Variants in CNGB1 observed in about 807,000 individuals in gnomAD.
The protein encoded by CNGB1 is cyclic nucleotide-gated channel beta-1.
In CNGB1, 126 loss-of-function variants were observed where a neutral mutation model predicts 151.7. The observed-to-expected ratio is 0.83, with a 90% confidence interval of 0.72 to 0.96. CNGB1 has a LOEUF of 0.96. CNGB1 is among the 40% of genes least tolerant of loss of function. The probability of loss-of-function intolerance (pLI) is 0.00; values close to 1 mark genes in which losing one functional copy is unlikely to be tolerated. For synonymous variants in CNGB1, 623 were observed against 635.1 expected, an observed-to-expected ratio of 0.98 and a Z score of 0.29; for missense variants, 1,698 against 1,627.0, an observed-to-expected ratio of 1.04 and a Z score of -0.75.
chr16:57,931,824 C>T lies in CNGB1; in HGVS notation c.1427G>A (p.Ser476Asn), dbSNP rs780863729. 6 of 1,614,174 alleles carry T rather than the reference C, an allele frequency of 3.7e-6. No individual in the cohort carries two copies. The East Asian group carries it at 8.9e-5, about 24-fold the overall frequency. Residue 476 changes from serine (S) to asparagine (N), a missense_variant, in exon 17 of 33, where the codon AGC (serine) becomes AAC (asparagine). By Grantham distance (46) the Ser-to-Asn change is conservative. Transcript: ENST00000251102. ...EVQVEDTDAD[S>N]CPLMAEENPP... is the part of the protein sequence containing the mutation. ...ATTCTCTTCTGCCATGAGGGGGCAG[C>T]TATCAGCATCAGTATCTTCCACCTG...
intron 18 of CNGB1, among the ~76,000 whole-genome samples, chr16:57,921,473 C>T (rs148201462): frequency 1.3e-4 from 20 of 152,250 alleles, no homozygotes; most frequent in Admixed American, 4.6e-4. Flanking sequence ...CCACCTGCTT[C>T]GGCCTCTGAA....
intron 1 of CNGB1, among the ~76,000 whole-genome samples, chr16:57,969,253 C>A (rs1208352710): frequency 6.6e-6 from 1 of 152,206 alleles, no homozygotes; most frequent in African/African-American, 2.4e-5. Flanking sequence ...TTGCAGTGAG[C>A]CGAGATCGTG....
In CNGB1 at chr16:57,897,381, A is replaced by C; in HGVS notation, c.3242+16T>G. 6.2e-7 allele frequency: 1 copy of C among 1,614,104 alleles called. No individual in the cohort carries two copies. The highest frequency in any genetic ancestry group is 8.5e-7 in the Non-Finnish European group (1 of 1,180,000). On this transcript the variant is annotated intron_variant, in intron 31 of 32. Transcript: ENST00000251102. Reference sequence around the variant, plus strand: ...TCCTTAGCAATTTTTTATTAAACGAAAGAAAAGTTACATACCTGGCTTTCT... The same window carrying C: ...TCCTTAGCAATTTTTTATTAAACGACAGAAAAGTTACATACCTGGCTTTCT...
At chr16:57,967,377 AT>A (rs1316277314) in intron 1 of CNGB1, 83 bp from the exon 2 acceptor site, 2 of 1,405,728 alleles carry the variant, frequency 1.4e-6, no homozygotes, top group African/African-American at 2.8e-5. Context: ...TGAGTTGTAC[AT>A]TTCCTTTTCC....
At chr16:57,957,482 C>A in intron 11 of CNGB1, 105 bp from the exon 12 acceptor site, 6 of 916,948 alleles carry the variant, frequency 6.5e-6, no homozygotes, top group Admixed American at 1.9e-5. Flanking sequence ...CCTCTCCGGG[C>A]CTTAGTTGTC....
In CNGB1 at chr16:57,965,318, C is replaced by T. The variant is rs183392572; in HGVS notation, c.160-774G>A. On this transcript the variant is annotated intron_variant, in intron 2 of 32. Coordinates refer to ENST00000251102, the MANE Select transcript of CNGB1 (RefSeq NM_001297.5). ...ACATATACATGTGTATGTACATATG[C>T]ATGCATGCCCCAACACATATATGTG... Among the ~76,000 whole-genome samples, 76 of 152,238 alleles carry T rather than the reference C, an allele frequency of 5.0e-4. 1 individual carries two copies. In the South Asian group the frequency reaches 0.012, roughly 24 times the overall value.
chr16:57,957,198 C>G, intron 12 of CNGB1, 143 bp downstream of exon 12: 1 of 752,440 alleles, frequency 1.3e-6, no homozygotes. Context: ...TCTCTCAGCT[C>G]CAGCCCAGGA....
At chr16:57,940,486 A>G (rs1961641575) in intron 14 of CNGB1, among the ~76,000 whole-genome samples, 165 bp from the exon 15 acceptor site, 1 of 152,078 alleles carries the variant, frequency 6.6e-6, no homozygotes, top group Non-Finnish European at 1.5e-5. Context: ...CCTACTAACA[A>G]TCACCCCATC....
At chr16:57,912,149 T>C (rs1306084619) in intron 24 of CNGB1, among the ~76,000 whole-genome samples, 1 of 151,722 alleles carries the variant, frequency 6.6e-6, no homozygotes, top group Non-Finnish European at 1.5e-5. Flanking sequence ...GGGACTGATG[T>C]GTGCAGAGGA....
At chr16:57,950,611 G>A in intron 12 of CNGB1, 71 bp from the exon 13 acceptor site, 4 of 1,567,192 alleles carry the variant, frequency 2.6e-6, no homozygotes, top group Non-Finnish European at 2.6e-6. Flanking sequence ...GAGTCCCAGG[G>A]AGCCTGCAGG....
intron 23 of CNGB1, among the ~76,000 whole-genome samples, chr16:57,914,125 T>G (rs1232665755): frequency 6.6e-6 from 1 of 152,268 alleles, no homozygotes; most frequent in African/African-American, 2.4e-5. Flanking sequence ...GATGGCTCAC[T>G]TAAAGAGTTT....
intron 8 of CNGB1, 49 bp from the exon 9 acceptor site, chr16:57,960,579 C>G: frequency 1.3e-6 from 2 of 1,591,326 alleles, no homozygotes; most frequent in Non-Finnish European, 1.7e-6. Flanking sequence ...AAGCTCTGTG[C>G]GCTTCCCCAA....
At position 57,913,144 on chromosome 16, in the gene CNGB1, T is replaced by C. The variant is rs1596972441; in HGVS notation, c.2305-150A>G. 1.3e-5 allele frequency: 9 copies of C among 686,644 alleles called. No homozygotes were observed. In the East Asian group the frequency reaches 2.2e-4, roughly 16 times the overall value. The allele number at this position is 686,644 out of a possible 1,614,324, so 42.5% of individuals were successfully genotyped here. ...TTCAATATCAGAAGTCCTCAGCCCC[T>C]TGACGGGTAGGGGCCAGAAACTCCA... On this transcript the variant is annotated intron_variant, in intron 23 of 32. Transcript: ENST00000251102.
chr16:57,928,127 C>T (rs1365038762), intron 17 of CNGB1, among the ~76,000 whole-genome samples: 6 of 152,354 alleles, frequency 3.9e-5, no homozygotes, highest in East Asian at 3.9e-4. Context: ...GCTTATAAAG[C>T]ACTGTCCTGC....
At chr16:57,902,821 C>T (rs1337337106) in intron 27 of CNGB1, among the ~76,000 whole-genome samples, 1 of 148,102 alleles carries the variant, frequency 6.8e-6, no homozygotes, top group Non-Finnish European at 1.5e-5. Flanking sequence ...CCATGTTGGC[C>T]AGGCTGGTCT....
In CNGB1 at chr16:57,890,709, C is replaced by G. The variant is rs545976945; in HGVS notation, c.3243-2635G>C. Among the ~76,000 whole-genome samples, 174 of 152,334 alleles carry G rather than the reference C, an allele frequency of 1.1e-3. 1 individual carries two copies. Among genetic ancestry groups the G allele is most frequent in the Admixed American group, 3.5e-3 (54 of 15,298 alleles). ...TTCACTTCTTTGGGGACCCAGGTCCCCCATCTGCAAAGCAGGGAGCTTGGA... is the reference window on the plus strand; with the variant it reads ...TTCACTTCTTTGGGGACCCAGGTCCGCCATCTGCAAAGCAGGGAGCTTGGA... On this transcript the variant is annotated intron_variant, in intron 31 of 32. Coordinates refer to ENST00000251102, the MANE Select transcript of CNGB1 (RefSeq NM_001297.5).
chr16:57,922,979 GC>G, intron 18 of CNGB1: 1 of 325,700 alleles, frequency 3.1e-6, no homozygotes, highest in Non-Finnish European at 5.9e-6. Context: ...CCTGCAGGCA[GC>G]TCCCCTCAGC....
chr16:57,940,206 AG>A, intron 15 of CNGB1, 27 bp downstream of exon 15: 2 of 1,544,048 alleles, frequency 1.3e-6, no homozygotes, highest in Non-Finnish European at 8.8e-7. Flanking sequence ...CAGGCCTCAG[AG>A]GTGCCAGTGC....
chr16:57,912,814 T>C (rs1303968306), intron 24 of CNGB1, 116 bp downstream of exon 24: 8 of 1,024,976 alleles, frequency 7.8e-6, no homozygotes, highest in Non-Finnish European at 1.1e-5. Flanking sequence ...GTGTGTGTTG[T>C]GTGTGTCGTG....
Sources: gnomAD v4.1 joint callset for allele counts (sites outside exome capture counted in the v4.1 genomes callset) on GRCh38, gnomAD v4.1.1 for gene constraint, MANE v1.5 for transcripts, NCBI Gene and HGNC (gene_info 2026-07-23, HGNC 2026-07-21) for gene names.